Variants in RPA3 observed in about 807,000 individuals in gnomAD.
The protein encoded by RPA3 is replication protein A 14 kDa subunit.
RPA3 carries 24 observed loss-of-function variants against 13.7 expected under a neutral mutation model. The observed-to-expected ratio is 1.75, with a 90% confidence interval of 1.27 to 2.46. The LOEUF is 2.46. Among genes scored for constraint, RPA3 ranks in the 30% most tolerant of loss-of-function variants. RPA3 has a pLI of 0.00. For synonymous variants in RPA3, 59 were observed against 51.2 expected, an observed-to-expected ratio of 1.15 and a Z score of -0.65; for missense variants, 183 against 151.0, an observed-to-expected ratio of 1.21 and a Z score of -1.11.
chr7:7,698,606 A>T (rs571424159), intron 2 of RPA3, among the ~76,000 whole-genome samples: 2 of 152,078 alleles, frequency 1.3e-5, no homozygotes, highest in South Asian at 4.1e-4. Context: ...TAGGCAGTTG[A>T]TTCCACAGTT....
At chr7:7,678,803 TATATTTATATATTTAGTTTATAAAC>T (rs1563114239) in intron 4 of RPA3, among the ~76,000 whole-genome samples, 3 of 28,908 alleles carry the variant, frequency 1.0e-4, no homozygotes, top group African/African-American at 6.1e-4. Flanking sequence ...AGTTTATAAA[TATATTTATATATTTAGTTTATAAAC>T]ATATATTTAT....
At chr7:7,715,343 C>T (rs1563148784) in intron 1 of RPA3, 117 bp from the exon 2 acceptor site, 1 of 152,112 alleles carries the variant, frequency 6.6e-6, no homozygotes, top group Non-Finnish European at 1.5e-5. Context: ...GACCATAGAC[C>T]TTATAGCTAG....
intron 2 of RPA3, among the ~76,000 whole-genome samples, chr7:7,700,807 G>C (rs909551027): frequency 1.1e-4 from 17 of 152,148 alleles, no homozygotes; most frequent in African/African-American, 4.1e-4. Context: ...AGAATCACTT[G>C]AGCCCAGGAA....
rs1360101052 is a variant in RPA3, at chr7:7,685,938, C to T, written c.-866G>A. 2 of 152,170 alleles carry T rather than the reference C, an allele frequency of 1.3e-5. No individual in the cohort carries two copies. Among genetic ancestry groups the T allele is most frequent in the Non-Finnish European group, 2.9e-5 (2 of 68,032 alleles). 9.4% of individuals were successfully genotyped at this position (152,170 alleles called of 1,614,324 possible). ...AAGTGAACATTCTTGAGCACTTTCT[C>T]TATCCCAGGTGCTCTCCTGCTTGGT... On this transcript the variant is annotated 5_prime_UTR_variant, in exon 4 of 8. An upstream open reading frame in the 5' UTR loses its in-frame stop. Coordinates refer to ENST00000223129, the MANE Select transcript of RPA3 (RefSeq NM_002947.5).
At chr7:7,640,149 C>T in intron 5 of RPA3, 171 bp downstream of exon 5, 1 of 677,980 alleles carries the variant, frequency 1.5e-6, no homozygotes, top group Non-Finnish European at 2.5e-6. Context: ...AAAAGAGCGC[C>T]AAAATGGGGC....
chr7:7,662,866 T>C (rs1412038671), intron 4 of RPA3, among the ~76,000 whole-genome samples: 1 of 151,854 alleles, frequency 6.6e-6, no homozygotes, highest in East Asian at 1.9e-4. Context: ...AAGAAAGATA[T>C]AATGATTTTG....
chr7:7,701,215 A>T (rs1243359027), intron 2 of RPA3, among the ~76,000 whole-genome samples: 1 of 151,864 alleles, frequency 6.6e-6, no homozygotes, highest in Non-Finnish European at 1.5e-5. Flanking sequence ...TTAAGGAATG[A>T]ACTGTATCAT....
At chr7:7,715,874 G>A (rs1282737463) in intron 1 of RPA3, among the ~76,000 whole-genome samples, 1 of 152,144 alleles carries the variant, frequency 6.6e-6, no homozygotes. Context: ...ATAGCATAGA[G>A]CAAAATTTAC....
rs543823298 is a variant in RPA3, at chr7:7,692,140, C to T, written c.-1027-4812G>A. On this transcript the variant is annotated intron_variant, in intron 2 of 7. Transcript: ENST00000223129. The stretch of plus-strand genomic sequence containing the variant: ...GAGTACTTCGCCCCCTTTTTCTGCA[C>T]TCTCGCACACATATCACCATCTTCC... Among the ~76,000 whole-genome samples the T allele has an allele frequency of 5.3e-3, 804 of 152,278 alleles. 8 individuals carry two copies. The highest frequency in any genetic ancestry group is 0.018 in the African/African-American group (762 of 41,546).
intron 4 of RPA3, among the ~76,000 whole-genome samples, chr7:7,668,029 A>G (rs947118711): frequency 2.0e-5 from 3 of 150,728 alleles, no homozygotes; most frequent in African/African-American, 7.3e-5. Context: ...CAGTCCTCCA[A>G]CCTCAGCCTC....
chr7:7,707,851 T>C (rs1229828439), intron 2 of RPA3, among the ~76,000 whole-genome samples: 3 of 152,232 alleles, frequency 2.0e-5, no homozygotes, highest in Non-Finnish European at 4.4e-5. Context: ...TCTTTTAATG[T>C]AGTTATTTTG....
intron 4 of RPA3, among the ~76,000 whole-genome samples, chr7:7,666,118 C>T (rs939769298): frequency 3.9e-4 from 60 of 152,274 alleles, no homozygotes; most frequent in Middle Eastern, 3.4e-3. Context: ...TACCCTTCTA[C>T]CACAAGTGTA....
At chr7:7,690,064 A>G (rs1408369957) in intron 2 of RPA3, among the ~76,000 whole-genome samples, 4 of 152,128 alleles carry the variant, frequency 2.6e-5, no homozygotes, top group Non-Finnish European at 4.4e-5. Flanking sequence ...TAAGCTTGCC[A>G]TTATATTTTC....
chr7:7,708,118 A>G (rs1780651962), intron 2 of RPA3, among the ~76,000 whole-genome samples: 1 of 152,094 alleles, frequency 6.6e-6, no homozygotes, highest in African/African-American at 2.4e-5. Context: ...CCTTATTCAA[A>G]TTTGGATCAT....
At chr7:7,688,560 G>A (rs1780093846) in intron 2 of RPA3, among the ~76,000 whole-genome samples, 1 of 152,182 alleles carries the variant, frequency 6.6e-6, no homozygotes, top group South Asian at 2.1e-4. Flanking sequence ...CAAGATCTCA[G>A]ATGAAATCTG....
chr7:7,650,355 T>A (rs1785197339), intron 4 of RPA3, among the ~76,000 whole-genome samples: 1 of 152,232 alleles, frequency 6.6e-6, no homozygotes, highest in Non-Finnish European at 1.5e-5. Flanking sequence ...TCATTCGAGT[T>A]CTCAAAGCAT....
chr7:7,699,063 A>T (rs954352394), intron 2 of RPA3, among the ~76,000 whole-genome samples: 2 of 150,844 alleles, frequency 1.3e-5, no homozygotes, highest in African/African-American at 4.9e-5. Flanking sequence ...GGGGGGGTAG[A>T]TACCAGGTTT....
intron 2 of RPA3, among the ~76,000 whole-genome samples, chr7:7,698,837 G>A (rs914749663): frequency 2.7e-5 from 4 of 150,558 alleles, no homozygotes; most frequent in Admixed American, 1.3e-4. Context: ...ATTTCTGGCT[G>A]TGGATTTCGT....
At chr7:7,677,118 A>G (rs1036351330) in intron 4 of RPA3, among the ~76,000 whole-genome samples, 6 of 152,108 alleles carry the variant, frequency 3.9e-5, no homozygotes, top group Admixed American at 2.6e-4. Flanking sequence ...TTTAATCATT[A>G]TGGGTCCGTA....
Sources: gnomAD v4.1 joint callset for allele counts (sites outside exome capture counted in the v4.1 genomes callset) on GRCh38, gnomAD v4.1.1 for gene constraint, MANE v1.5 for transcripts, NCBI Gene and HGNC (gene_info 2026-07-23, HGNC 2026-07-21) for gene names.